The following ACSS1 variants were observed in gnomAD, a reference collection of about 807,000 sequenced individuals.
ACSS1 encodes acyl-CoA synthetase short chain family member 1.
Under a neutral mutation model 75.3 loss-of-function variants are expected in ACSS1, and 42 were observed. The ratio of observed to expected loss-of-function variants is 0.56; its 90% CI spans 0.44 to 0.72. ACSS1 has a LOEUF of 0.72. ACSS1 is among the 30% of genes least tolerant of loss of function. The pLI is 0.00. For missense variants in ACSS1, 782 were observed against 935.7 expected (o/e 0.84, Z 2.14); for synonymous variants, 380 against 376.8 (o/e 1.01, Z -0.10).
chr20:25,013,139 A>G (rs899526945), intron 10 of ACSS1, among the ~76,000 whole-genome samples, 200 bp from the exon 11 acceptor site: 4 of 152,222 alleles, frequency 2.6e-5, no homozygotes, highest in African/African-American at 9.6e-5. Flanking sequence ...AGCAGAAGGT[A>G]TACAAGCAGC....
chr20:25,030,549 C>T (rs914398311), intron 3 of ACSS1, among the ~76,000 whole-genome samples: 1 of 152,240 alleles, frequency 6.6e-6, no homozygotes, highest in African/African-American at 2.4e-5. Context: ...GGAACTGTCC[C>T]TTTTTCACCT....
In ACSS1 at chr20:25,007,801, G is replaced by T. The variant is rs750944125; in HGVS notation, c.2031C>A (p.Val677=). The change falls in exon 14 of 14, where the codon GTC becomes GTA. Residue 677 remains valine, a synonymous_variant. Transcript: ENST00000323482. ...CCTGCTTGTCCTTGCACTTCTGGTA[G>T]ACACTCAGGATCTCTGCGATGATGC... ...DPSIIAEILS[V]YQKCKDKQAA... 6.2e-6 allele frequency: 10 copies of T among 1,614,198 alleles called. No individual in the cohort carries two copies. The highest frequency in any genetic ancestry group is 8.5e-6 in the Non-Finnish European group (10 of 1,180,020).
intron 2 of ACSS1, among the ~76,000 whole-genome samples, chr20:25,038,240 T>C (rs1036979023): frequency 1.3e-5 from 2 of 152,190 alleles, no homozygotes; most frequent in African/African-American, 4.8e-5. Flanking sequence ...TGGAAAGCGC[T>C]GAACCTGCAA....
chr20:25,026,500 C>G (rs2088721880), intron 3 of ACSS1, among the ~76,000 whole-genome samples: 1 of 152,140 alleles, frequency 6.6e-6, no homozygotes, highest in Non-Finnish European at 1.5e-5. Flanking sequence ...GTGAAGAGGC[C>G]ACGTGGAGAG....
chr20:25,047,044 C>T (rs1228278307), intron 2 of ACSS1, among the ~76,000 whole-genome samples: 1 of 152,222 alleles, frequency 6.6e-6, no homozygotes, highest in African/African-American at 2.4e-5. Flanking sequence ...AGCAGATCCA[C>T]TAGCATCACT....
intron 12 of ACSS1, 72 bp from the exon 13 acceptor site, chr20:25,009,460 T>G: frequency 8.3e-7 from 1 of 1,211,744 alleles, no homozygotes; most frequent in Non-Finnish European, 1.2e-6. Flanking sequence ...CAGGGTGCTA[T>G]GCACAGACTG....
chr20:25,030,003 C>T (rs1023831355), intron 3 of ACSS1, among the ~76,000 whole-genome samples: 54 of 152,300 alleles, frequency 3.5e-4, no homozygotes, highest in African/African-American at 1.3e-3. Context: ...CACCCTTGAA[C>T]GTGGGGGAAG....
chr20:25,019,181 G>T (rs142430041), intron 7 of ACSS1, among the ~76,000 whole-genome samples: 1 of 152,172 alleles, frequency 6.6e-6, no homozygotes, highest in South Asian at 2.1e-4. Flanking sequence ...CCAAGCAGGT[G>T]GCTGACCACG....
At chr20:25,029,545 G>C (rs1327275092) in intron 3 of ACSS1, among the ~76,000 whole-genome samples, 1 of 152,122 alleles carries the variant, frequency 6.6e-6, no homozygotes, top group African/African-American at 2.4e-5. Flanking sequence ...AAAAACAGGT[G>C]TTCCTATACA....
chr20:25,032,173 T>C (rs6132789), intron 2 of ACSS1, among the ~76,000 whole-genome samples: 41,898 of 152,146 alleles, frequency 0.28, 6,091 homozygotes, highest in Middle Eastern at 0.36. Flanking sequence ...ACGTTGCCTA[T>C]GTCTATGGTG....
intron 6 of ACSS1, 61 bp downstream of exon 6, chr20:25,021,328 A>C: frequency 6.3e-7 from 1 of 1,581,682 alleles, no homozygotes; most frequent in South Asian, 1.2e-5. Flanking sequence ...ACAAGCCTCG[A>C]GCCTCAGGCT....
chr20:25,044,645 G>T (rs997865821), intron 2 of ACSS1, among the ~76,000 whole-genome samples: 3 of 152,170 alleles, frequency 2.0e-5, no homozygotes, highest in Non-Finnish European at 2.9e-5. Context: ...AAATAAAATG[G>T]GCACCTGCTG....
chr20:25,057,623 G>A, intron 1 of ACSS1, 146 bp downstream of exon 1: 1 of 685,188 alleles, frequency 1.5e-6, no homozygotes, highest in East Asian at 3.2e-5. Context: ...TGCTTAGAGC[G>A]GGCGGGGCGG....
At chr20:25,025,795 T>C (rs932184422) in intron 3 of ACSS1, among the ~76,000 whole-genome samples, 2 of 152,112 alleles carry the variant, frequency 1.3e-5, no homozygotes, top group African/African-American at 4.8e-5. Context: ...GCGGGTAAAG[T>C]TGCTTTGAAT....
At chr20:25,056,028 T>A (rs1298263954) in intron 1 of ACSS1, among the ~76,000 whole-genome samples, 1 of 152,228 alleles carries the variant, frequency 6.6e-6, no homozygotes, top group Non-Finnish European at 1.5e-5. Context: ...GCTCAATTTC[T>A]GGCTAACGTA....
At chr20:25,032,331 C>A in intron 2 of ACSS1, 2 of 1,311,034 alleles carry the variant, frequency 1.5e-6, no homozygotes, top group Non-Finnish European at 1.9e-6. Flanking sequence ...ATACTCAACT[C>A]CGGGAAAACT....
intron 12 of ACSS1, chr20:25,011,740 A>G (rs2088413543): frequency 6.6e-6 from 1 of 152,272 alleles, no homozygotes; most frequent in Non-Finnish European, 1.5e-5. Context: ...CAATGCGTCA[A>G]TTTAAAGAGA....
At position 25,006,946 on chromosome 20, in the gene ACSS1, G is replaced by A; in HGVS notation, c.*816C>T. On this transcript the variant is annotated 3_prime_UTR_variant, in exon 14 of 14. Transcript: ENST00000323482. ...AGTATGTTGCCTCTCCTATCAAGAG[G>A]CATCTGGGGGCACAAAAATCTTTCT... 15 of 1,535,322 alleles carry A rather than the reference G, an allele frequency of 9.8e-6. No individual in the cohort carries two copies. Among genetic ancestry groups the A allele is most frequent in the Non-Finnish European group, 1.3e-5 (15 of 1,146,652 alleles).
At chr20:25,041,221 G>A (rs1301655339) in intron 2 of ACSS1, among the ~76,000 whole-genome samples, 1 of 146,552 alleles carries the variant, frequency 6.8e-6, no homozygotes, top group Non-Finnish European at 1.5e-5. Flanking sequence ...TTGCGCCACT[G>A]TACTCCAGCC....
Sources: allele counts gnomAD v4.1 joint callset (sites outside exome capture counted in the v4.1 genomes callset), GRCh38; gene constraint gnomAD v4.1.1; transcripts MANE v1.5; gene names NCBI Gene and HGNC (gene_info 2026-07-23, HGNC 2026-07-21).